The following LAMTOR2 variants were observed in gnomAD, a reference collection of about 807,000 sequenced individuals.
LAMTOR2 encodes the protein late endosomal/lysosomal adaptor, MAPK and MTOR activator 2.
LAMTOR2 carries 4 observed loss-of-function variants against 15.8 expected under a neutral mutation model. The observed-to-expected ratio is 0.25, with a 90% CI of 0.12 to 0.58. The LOEUF (loss-of-function observed/expected upper bound fraction) is 0.58, where lower values mean the gene tolerates loss of function less well. Ranked by LOEUF, LAMTOR2 falls within the 20% of genes least tolerant of loss-of-function variation. LAMTOR2 has a pLI of 0.91. For synonymous variants in LAMTOR2, 62 were observed against 64.1 expected (o/e 0.97, Z 0.15); for missense variants, 100 against 161.0 (o/e 0.62, Z 2.05).
rs766861846 is a variant in LAMTOR2 at position 156,058,307 on chromosome 1, C to T, written c.322-8C>T. 12 of 1,614,004 alleles carry T rather than the reference C, an allele frequency of 7.4e-6. No individual in the cohort carries two copies. Among genetic ancestry groups the T allele is most frequent in the African/African-American group, 2.7e-5 (2 of 74,910 alleles). ...TGTGCGGGACTGATCTCTGTTCTCC[C>T]TCTGCAGGCCCAGGCTTTGGTGCAG... On this transcript the variant is annotated splice_region_variant and splice_polypyrimidine_tract_variant and intron_variant, in intron 3 of 3. Transcript: ENST00000368305.
At chr1:156,056,534 A>T (rs1647370242) in intron 2 of LAMTOR2, among the ~76,000 whole-genome samples, 1 of 152,170 alleles carries the variant, frequency 6.6e-6, no homozygotes, top group Non-Finnish European at 1.5e-5. Flanking sequence ...CCTGAGGCAG[A>T]ATTATGCCTG....
Position 156,055,674 on chromosome 1 carries a change from G to C in LAMTOR2, c.231+249G>C. 1.8e-6 allele frequency: 1 copy of C among 546,954 alleles called. No homozygotes were observed. 33.9% of individuals were successfully genotyped at this position (546,954 alleles called of 1,614,324 possible). On this transcript the variant is annotated intron_variant, in intron 2 of 3. Transcript: ENST00000368305. This position sits in a 1 kb window ranked among gnomAD's most constrained non-coding sequence, Gnocchi z 4.8. ...ATCCACTTATCAGTTGTGGAACCTT[G>C]GGTAAGTCGCTTAACCTCTCTCAGC...
chr1:156,055,115 GC>G lies in LAMTOR2; in HGVS notation c.69-146del. The G allele has an allele frequency of 7.3e-7, 1 of 1,373,734 alleles. No homozygotes were observed. The highest frequency in any genetic ancestry group is 1.0e-6 in the Non-Finnish European group (1 of 969,908). 85.1% of individuals were successfully genotyped at this position (1,373,734 alleles called of 1,614,324 possible). On this transcript the variant is annotated intron_variant, in intron 1 of 3. Coordinates refer to ENST00000368305, the MANE Select transcript of LAMTOR2 (RefSeq NM_014017.4). The surrounding 1 kb of genome is among the most constrained non-coding windows in gnomAD (Gnocchi z 4.8). ...GGGAGGTCCCCTGTCGAAAAGGGAA[GC>G]CGGTGTGCTGGGTGCTTAGGGCATG...
rs1647327709 is a variant in LAMTOR2, at chr1:156,055,580, TATTC to T, written c.231+158_231+161del. On this transcript the variant is annotated intron_variant, in intron 2 of 3. Transcript: ENST00000368305. This position sits in a 1 kb window ranked among gnomAD's most constrained non-coding sequence, Gnocchi z 4.8. ...GCAGCATTTGTAATAGGCAGGACCC[TATTC>T]ATCAAGTGGTGGTGAGGAAGGATCC... is the stretch of plus-strand genomic sequence containing the variant. 2.5e-6 allele frequency: 2 copies of T among 815,964 alleles called. No individual in the cohort carries two copies. The highest frequency in any genetic ancestry group is 4.0e-6 in the Non-Finnish European group (2 of 505,770). The allele number at this position is 815,964 out of a possible 1,614,324, so 50.5% of individuals were successfully genotyped here.
chr1:156,057,889 GTC>G lies in LAMTOR2; in HGVS notation c.232-83_232-82del, dbSNP rs1647426030. 2.1e-5 allele frequency: 26 copies of G among 1,238,462 alleles called. No individual in the cohort carries two copies. The South Asian group carries it at 3.1e-4, about 15-fold the overall frequency. 76.7% of individuals were successfully genotyped at this position (1,238,462 alleles called of 1,614,324 possible). On this transcript the variant is annotated intron_variant, in intron 2 of 3. Transcript: ENST00000368305. ...GCCCAGGGCATGGGAGGAAGATATA[GTC>G]TCTCTGGGGCCAGAGAAGCCTTTGG...
Position 156,054,788 on chromosome 1 carries a change from T to G in LAMTOR2, c.-102T>G. On this transcript the variant is annotated 5_prime_UTR_variant, in exon 1 of 4. Transcript: ENST00000368305. ...CGAAGAAACTACAACTCCCAGGGCG[T>G]CCCGGAGCAGGCCAACGGGACTACG... is the stretch of plus-strand genomic sequence containing the variant. 1 of 1,193,362 alleles carries G rather than the reference T, an allele frequency of 8.4e-7. No homozygotes were observed. Among genetic ancestry groups the G allele is most frequent in the Non-Finnish European group, 1.2e-6 (1 of 816,760 alleles). The allele number at this position is 1,193,362 out of a possible 1,614,324, so 73.9% of individuals were successfully genotyped here.
rs965703595 is a variant in LAMTOR2, at chr1:156,055,183, T to A, written c.69-80T>A. ...GGCCAGAGCCTTGCTGGATGTGCCC[T>A]TGGTGGGACTTGGGATGGAAACCCA... is the stretch of plus-strand genomic sequence containing the variant. On this transcript the variant is annotated intron_variant, in intron 1 of 3. Coordinates refer to ENST00000368305, the MANE Select transcript of LAMTOR2 (RefSeq NM_014017.4). The surrounding 1 kb of genome is among the most constrained non-coding windows in gnomAD (Gnocchi z 4.8). The A allele has an allele frequency of 1.5e-4, 232 of 1,580,834 alleles. No individual in the cohort carries two copies. Among genetic ancestry groups the A allele is most frequent in the Non-Finnish European group, 1.9e-4 (218 of 1,156,308 alleles).
intron 3 of LAMTOR2, 34 bp downstream of exon 3, chr1:156,058,101 C>A: frequency 6.2e-7 from 1 of 1,602,464 alleles, no homozygotes; most frequent in Non-Finnish European, 8.6e-7. Flanking sequence ...TAGCCCTGGG[C>A]CCAGCCTTCG....
At chr1:156,057,043 T>TG (rs1322955826) in intron 2 of LAMTOR2, among the ~76,000 whole-genome samples, 1 of 151,630 alleles carries the variant, frequency 6.6e-6, no homozygotes, top group Non-Finnish European at 1.5e-5. Flanking sequence ...CTGGGCATGG[T>TG]GGTGCGTGCC....
chr1:156,058,412 A>G lies in LAMTOR2; in HGVS notation c.*41A>G. ...CTGGGGTCAGAAAAGAGAAATGACC[A>G]TTTGGAGGGGCGGGGCCTCCTAGAA... On this transcript the variant is annotated 3_prime_UTR_variant, in exon 4 of 4. Transcript: ENST00000368305. 1.2e-6 allele frequency: 2 copies of G among 1,609,996 alleles called. No individual in the cohort carries two copies. The highest frequency in any genetic ancestry group is 1.7e-6 in the Non-Finnish European group (2 of 1,176,368).
At chr1:156,057,177 C>CAAA (rs1002332400) in intron 2 of LAMTOR2, among the ~76,000 whole-genome samples, 9 of 84,874 alleles carry the variant, frequency 1.1e-4, no homozygotes, top group African/African-American at 3.1e-4. Flanking sequence ...GACTCCATCT[C>CAAA]AAAAAAAAAA....
chr1:156,055,078 G>A lies in LAMTOR2; in HGVS notation c.68+121G>A. The A allele has an allele frequency of 7.3e-7, 1 of 1,378,872 alleles. No homozygotes were observed. The highest frequency in any genetic ancestry group is 1.0e-6 in the Non-Finnish European group (1 of 974,268). The allele number at this position is 1,378,872 out of a possible 1,614,324, so 85.4% of individuals were successfully genotyped here. Reference sequence around the variant, plus strand: ...GAAGCGGCAGAGGGGGCAGCGGCTGGGGATACCGGCCGGGAGGTCCCCTGT... The same window carrying A: ...GAAGCGGCAGAGGGGGCAGCGGCTGAGGATACCGGCCGGGAGGTCCCCTGT... On this transcript the variant is annotated intron_variant, in intron 1 of 3. Transcript: ENST00000368305. The surrounding 1 kb of genome is among the most constrained non-coding windows in gnomAD (Gnocchi z 4.8).
intron 3 of LAMTOR2, 47 bp from the exon 4 acceptor site, chr1:156,058,268 C>T (rs757126621): frequency 3.1e-6 from 5 of 1,613,378 alleles, no homozygotes; most frequent in African/African-American, 1.3e-5. Flanking sequence ...TTTGGGGTCC[C>T]TAATGCCAGG....
chr1:156,056,496 T>C (rs1296605244), intron 2 of LAMTOR2, among the ~76,000 whole-genome samples: 1 of 152,010 alleles, frequency 6.6e-6, no homozygotes, highest in Admixed American at 6.6e-5. Context: ...GGGAAGAATA[T>C]TTTGGACAGA....
At chr1:156,057,598 A>G (rs535495023) in intron 2 of LAMTOR2, among the ~76,000 whole-genome samples, 1 of 152,312 alleles carries the variant, frequency 6.6e-6, no homozygotes, top group South Asian at 2.1e-4. Flanking sequence ...TACCACTCCC[A>G]TGCCCCTCTC....
intron 2 of LAMTOR2, among the ~76,000 whole-genome samples, chr1:156,057,338 T>A (rs977612754): frequency 3.3e-5 from 5 of 151,864 alleles, no homozygotes; most frequent in Non-Finnish European, 2.9e-5. Flanking sequence ...ACAAAAAAAA[T>A]TTTAATAAAT....
Position 156,055,228 on chromosome 1 carries a change from T to C in LAMTOR2, c.69-35T>C. On this transcript the variant is annotated intron_variant, in intron 1 of 3. Coordinates refer to ENST00000368305, the MANE Select transcript of LAMTOR2 (RefSeq NM_014017.4). The surrounding 1 kb of genome is among the most constrained non-coding windows in gnomAD (Gnocchi z 4.8). The stretch of plus-strand genomic sequence containing the variant: ...AACCCAGACGTTTTACTCCCCGCTC[T>C]GAGCACATCGCTATCCCTCCCCGCC... 6.2e-7 allele frequency: 1 copy of C among 1,612,158 alleles called. No individual in the cohort carries two copies. The highest frequency in any genetic ancestry group is 8.5e-7 in the Non-Finnish European group (1 of 1,179,758).
Position 156,055,069 on chromosome 1 carries a change from C to T in LAMTOR2, c.68+112C>T. ...GGAAGGGAGGAAGCGGCAGAGGGGGCAGCGGCTGGGGATACCGGCCGGGAG... is the reference window on the plus strand; with the variant it reads ...GGAAGGGAGGAAGCGGCAGAGGGGGTAGCGGCTGGGGATACCGGCCGGGAG... On this transcript the variant is annotated intron_variant, in intron 1 of 3. Transcript: ENST00000368305. This position sits in a 1 kb window ranked among gnomAD's most constrained non-coding sequence, Gnocchi z 4.8. The T allele has an allele frequency of 7.2e-7, 1 of 1,397,592 alleles. No homozygotes were observed. Among genetic ancestry groups the T allele is most frequent in the Non-Finnish European group, 1.0e-6 (1 of 992,432 alleles). 86.6% of individuals were successfully genotyped at this position (1,397,592 alleles called of 1,614,324 possible).
Position 156,057,966 on chromosome 1 carries a change from C to T in LAMTOR2, c.232-12C>T. 6.2e-7 allele frequency: 1 copy of T among 1,613,430 alleles called. No individual in the cohort carries two copies. The highest frequency in any genetic ancestry group is 1.1e-5 in the South Asian group (1 of 91,066). On this transcript the variant is annotated splice_polypyrimidine_tract_variant and intron_variant, in intron 2 of 3. Coordinates refer to ENST00000368305, the MANE Select transcript of LAMTOR2 (RefSeq NM_014017.4). ...AGCAGAACATCACATCCCATCATAT[C>T]ACCCCCACCAGGAGGGCCGTGTAGC...
Sources: gnomAD v4.1 joint callset for allele counts (sites outside exome capture counted in the v4.1 genomes callset) on GRCh38, gnomAD v4.1.1 for gene constraint, Gnocchi (gnomAD v3.1) non-coding constraint, MANE v1.5 for transcripts, NCBI Gene and HGNC (gene_info 2026-07-23, HGNC 2026-07-21) for gene names.